HTR2A: variants seen among roughly 807,000 people sequenced by gnomAD.
HTR2A encodes 5-HT2 receptor.
Under a neutral mutation model 31.0 loss-of-function variants are expected in HTR2A, and 14 were observed. The ratio of observed to expected loss-of-function variants is 0.45; its 90% CI spans 0.30 to 0.71. The LOEUF (loss-of-function observed/expected upper bound fraction) is 0.71, where lower values mean the gene tolerates loss of function less well. Ranked by LOEUF, HTR2A falls within the 30% of genes least tolerant of loss-of-function variation. The pLI, the probability that HTR2A is intolerant of heterozygous loss-of-function variation, is 0.09. For missense variants in HTR2A, 442 were observed against 573.3 expected (o/e 0.77, Z 2.34); for synonymous variants, 209 against 225.2 (o/e 0.93, Z 0.64).
chr13:46,894,750 G>A (rs1951088092), intron 2 of HTR2A, among the ~76,000 whole-genome samples: 1 of 152,172 alleles, frequency 6.6e-6, no homozygotes, highest in Non-Finnish European at 1.5e-5. Flanking sequence ...CCCTTGCTGA[G>A]AGGTCTGACT....
chr13:46,852,401 C>G (rs530900720), intron 3 of HTR2A, among the ~76,000 whole-genome samples: 4 of 152,214 alleles, frequency 2.6e-5, no homozygotes, highest in African/African-American at 7.2e-5. Context: ...GGGGCTCTCT[C>G]GGCTGGGCTG....
intron 3 of HTR2A, among the ~76,000 whole-genome samples, chr13:46,879,045 G>T (rs1258050378): frequency 6.6e-6 from 1 of 152,150 alleles, no homozygotes; most frequent in African/African-American, 2.4e-5. Flanking sequence ...ATGTCAGCAG[G>T]GTTTTGAGGA....
rs578188176 is a variant in HTR2A at position 46,876,742 on chromosome 13, G to A, written c.613+15648C>T. Reference sequence around the variant, plus strand: ...TGATTCATATTTTTAACAAAAGTTCGTGAGAATATATCTGTCAAACTCTTT... The same window carrying A: ...TGATTCATATTTTTAACAAAAGTTCATGAGAATATATCTGTCAAACTCTTT... On this transcript the variant is annotated intron_variant, in intron 3 of 3. Coordinates refer to ENST00000542664, the MANE Select transcript of HTR2A (RefSeq NM_000621.5). Among the ~76,000 whole-genome samples, 146 of 152,132 alleles carry A rather than the reference G, an allele frequency of 9.6e-4. 2 individuals carry two copies. The highest frequency in any genetic ancestry group is 1.7e-3 in the South Asian group (8 of 4,816).
intron 3 of HTR2A, among the ~76,000 whole-genome samples, chr13:46,873,724 A>G (rs945368849): frequency 7.2e-5 from 11 of 152,032 alleles, no homozygotes; most frequent in Non-Finnish European, 1.6e-4. Flanking sequence ...GCGATAGTTT[A>G]CTGAGAATGA....
At chr13:46,847,262 C>G (rs543107744) in intron 3 of HTR2A, among the ~76,000 whole-genome samples, 5 of 152,314 alleles carry the variant, frequency 3.3e-5, no homozygotes, top group East Asian at 3.9e-4. Context: ...GATTTCTACC[C>G]TTTTTCAATT....
rs557208761 is a variant in HTR2A at position 46,880,780 on chromosome 13, G to A, written c.613+11610C>T. On this transcript the variant is annotated intron_variant, in intron 3 of 3. Transcript: ENST00000542664. ...CTTGATCCTGGGAGGCAGAGGTTGC[G>A]GTGAGCCAAAATGGTGCCACTGCAC... is the stretch of plus-strand genomic sequence containing the variant. Among the ~76,000 whole-genome samples the A allele has an allele frequency of 1.1e-3, 170 of 152,126 alleles. 1 individual carries two copies. The highest frequency in any genetic ancestry group is 3.9e-3 in the African/African-American group (162 of 41,498).
chr13:46,865,883 G>A (rs760430408), intron 3 of HTR2A, among the ~76,000 whole-genome samples: 1 of 152,174 alleles, frequency 6.6e-6, no homozygotes, highest in Non-Finnish European at 1.5e-5. Flanking sequence ...ATTGGAAGAT[G>A]TACAGATACT....
intron 3 of HTR2A, among the ~76,000 whole-genome samples, chr13:46,836,184 CT>C (rs1269133427): frequency 2.7e-5 from 4 of 146,924 alleles, no homozygotes; most frequent in African/African-American, 7.5e-5. Context: ...AGTTCTGTAT[CT>C]TTTTTAAAAA....
In HTR2A at chr13:46,895,448, C is replaced by T; in HGVS notation, c.412+47G>A. On this transcript the variant is annotated intron_variant, in intron 2 of 3. Transcript: ENST00000542664. This position sits in a 1 kb window ranked among gnomAD's most constrained non-coding sequence, Gnocchi z 4.4. ...CTCATCTGCTGGTGGCATGCACATG[C>T]TCTTTATTACCAGTGCGAATATAGC... is the stretch of plus-strand genomic sequence containing the variant. 6.4e-7 allele frequency: 1 copy of T among 1,565,122 alleles called. No homozygotes were observed. The highest frequency in any genetic ancestry group is 8.7e-7 in the Non-Finnish European group (1 of 1,149,778).
chr13:46,844,058 C>T (rs1168985759), intron 3 of HTR2A, among the ~76,000 whole-genome samples: 1 of 152,160 alleles, frequency 6.6e-6, no homozygotes, highest in Non-Finnish European at 1.5e-5. Flanking sequence ...ATTCCTTCAA[C>T]ACCTCCATAA....
chr13:46,875,020 A>G (rs1177786142), intron 3 of HTR2A, among the ~76,000 whole-genome samples: 3 of 152,222 alleles, frequency 2.0e-5, no homozygotes, highest in African/African-American at 7.2e-5. Context: ...AGAAAGATGG[A>G]TTAATTGGTC....
In HTR2A at chr13:46,895,737, C is replaced by A. The variant is rs896284675; in HGVS notation, c.170G>T (p.Cys57Phe). The A allele has an allele frequency of 2.5e-6, 4 of 1,614,018 alleles. No homozygotes were observed. The highest frequency in any genetic ancestry group is 2.7e-5 in the African/African-American group (2 of 74,906). ...VDSENRTNLS[C>F]EGCLSPSCLS... ...ACACGACGGTGAGAGGCACCCTTCA[C>A]AGGAAAGGTTGGTTCGATTTTCAGA... The change falls in exon 2 of 4, where the codon TGT becomes TTT. Residue 57 changes from cysteine (C) to phenylalanine (F), a missense_variant. Transcript: ENST00000542664. The surrounding 1 kb of genome is among the most constrained non-coding windows in gnomAD (Gnocchi z 4.4).
chr13:46,871,261 G>T (rs1355359662), intron 3 of HTR2A, among the ~76,000 whole-genome samples: 1 of 152,178 alleles, frequency 6.6e-6, no homozygotes, highest in Non-Finnish European at 1.5e-5. Flanking sequence ...TTGTGAAAAA[G>T]CTATTCCAAA....
intron 3 of HTR2A, among the ~76,000 whole-genome samples, chr13:46,862,856 G>A (rs967587304): frequency 1.3e-5 from 2 of 152,128 alleles, no homozygotes; most frequent in African/African-American, 2.4e-5. Flanking sequence ...AAATTATAGG[G>A]GGATAATTAA....
intron 3 of HTR2A, among the ~76,000 whole-genome samples, chr13:46,858,355 A>C (rs1489754066): frequency 6.6e-6 from 1 of 151,892 alleles, no homozygotes; most frequent in East Asian, 1.9e-4. Flanking sequence ...AAGGATGAAG[A>C]GTAGTGGGAG....
At chr13:46,866,880 A>G (rs753173610) in intron 3 of HTR2A, among the ~76,000 whole-genome samples, 1 of 152,130 alleles carries the variant, frequency 6.6e-6, no homozygotes, top group Non-Finnish European at 1.5e-5. Flanking sequence ...TACAAAGATT[A>G]GCTGGGTGTG....
At chr13:46,893,286 A>G (rs192576945) in intron 2 of HTR2A, among the ~76,000 whole-genome samples, 13 of 152,348 alleles carry the variant, frequency 8.5e-5, no homozygotes, top group Admixed American at 7.8e-4. Context: ...TTTAGTGAGC[A>G]TCAGACTCTG....
intron 1 of HTR2A, 46 bp downstream of exon 1, chr13:46,896,628 G>T: frequency 2.9e-6 from 4 of 1,398,882 alleles, no homozygotes; most frequent in Non-Finnish European, 3.8e-6. Flanking sequence ...TTTCAAACCG[G>T]AAAGAAAATT....
chr13:46,834,788 T>G lies in HTR2A; in HGVS notation c.*49A>C. On this transcript the variant is annotated 3_prime_UTR_variant, in exon 4 of 4. Transcript: ENST00000542664. ...TCATATTTTTTTTTTTCCAGATAGG[T>G]GAAAACTTGCTCAGTGTGCCTTCCA... 1 of 1,462,312 alleles carries G rather than the reference T, an allele frequency of 6.8e-7. No individual in the cohort carries two copies. The highest frequency in any genetic ancestry group is 9.2e-7 in the Non-Finnish European group (1 of 1,081,082). 90.6% of individuals were successfully genotyped at this position (1,462,312 alleles called of 1,614,324 possible).
Sources: allele counts gnomAD v4.1 joint callset (sites outside exome capture counted in the v4.1 genomes callset), GRCh38; gene constraint gnomAD v4.1.1; non-coding constraint Gnocchi (gnomAD v3.1); transcripts MANE v1.5; gene names NCBI Gene and HGNC (gene_info 2026-07-23, HGNC 2026-07-21).